Variants in PISD observed in about 807,000 individuals in gnomAD.
PISD encodes phosphatidylserine decarboxylase proenzyme, mitochondrial.
A neutral mutation model predicts 43.5 loss-of-function variants in PISD; 31 were observed. The ratio of observed to expected loss-of-function variants is 0.71; its 90% CI spans 0.54 to 0.96. The LOEUF is 0.96. Among genes scored for constraint, PISD ranks in the 40% least tolerant of loss-of-function variants. The pLI, the probability that PISD is intolerant of heterozygous loss-of-function variation, is 0.00. For missense variants in PISD, 523 were observed against 548.4 expected, an observed-to-expected ratio of 0.95 and a Z score of 0.46; for synonymous variants, 259 against 228.7, an observed-to-expected ratio of 1.13 and a Z score of -1.20.
intron 1 of PISD, among the ~76,000 whole-genome samples, chr22:31,656,432 C>T (rs1253528210): frequency 1.3e-5 from 2 of 151,902 alleles, no homozygotes; most frequent in African/African-American, 4.8e-5. Flanking sequence ...GGGCAGATCA[C>T]GAGGTCAGGA....
intron 3 of PISD, among the ~76,000 whole-genome samples, chr22:31,625,116 G>A (rs1483101116): frequency 6.6e-6 from 1 of 152,232 alleles, no homozygotes; most frequent in African/African-American, 2.4e-5. Context: ...CTCTCTCCCA[G>A]TTGCTGAGCA....
chr22:31,662,060 C>A, intron 1 of PISD, 84 bp downstream of exon 1: 1 of 1,301,844 alleles, frequency 7.7e-7, no homozygotes, highest in Non-Finnish European at 1.1e-6. Context: ...AGAGCGAGCC[C>A]GCGACACAGA....
At chr22:31,651,261 G>A (rs2074022082) in intron 1 of PISD, among the ~76,000 whole-genome samples, 1 of 152,142 alleles carries the variant, frequency 6.6e-6, no homozygotes, top group Non-Finnish European at 1.5e-5. Flanking sequence ...ACCAGGCCCA[G>A]CCTAGAAAAG....
rs558876581 is a variant in PISD at position 31,627,247 on chromosome 22, T to G, written c.322-5362A>C. ...TAAATGAGTGACGGGGACAGCTCAC[T>G]GCAGATGGGTCAGGCAGGAGGGCGC... On this transcript the variant is annotated intron_variant, in intron 3 of 7. Coordinates refer to ENST00000439502, the MANE Select transcript of PISD (RefSeq NM_001326411.2). Among the ~76,000 whole-genome samples, 678 of 152,314 alleles carry G rather than the reference T, an allele frequency of 4.5e-3. 1 individual carries two copies. Among genetic ancestry groups the G allele is most frequent in the African/African-American group, 0.014 (575 of 41,570 alleles).
At chr22:31,634,334 C>A (rs1488987768) in intron 3 of PISD, among the ~76,000 whole-genome samples, 3 of 152,238 alleles carry the variant, frequency 2.0e-5, no homozygotes, top group African/African-American at 7.2e-5. Flanking sequence ...AGAGGCCAGG[C>A]AAGCACAAAG....
intron 3 of PISD, chr22:31,625,847 A>G: frequency 6.3e-7 from 1 of 1,580,048 alleles, no homozygotes; most frequent in Middle Eastern, 1.7e-4. Flanking sequence ...GGCGAGGCTC[A>G]CTCGATCACT....
intron 1 of PISD, among the ~76,000 whole-genome samples, chr22:31,655,001 G>A (rs543055595): frequency 8.6e-5 from 13 of 151,064 alleles, no homozygotes; most frequent in African/African-American, 3.2e-4. Context: ...GCTTGAACCT[G>A]GGAGGCAGAG....
chr22:31,625,945 T>C (rs1184425399), intron 3 of PISD: 3 of 1,495,214 alleles, frequency 2.0e-6, no homozygotes, highest in African/African-American at 1.4e-5. Context: ...TCTGCGAGGC[T>C]GGTTGGTGGC....
chr22:31,632,135 A>T, intron 3 of PISD: 1 of 538,934 alleles, frequency 1.9e-6, no homozygotes, highest in Non-Finnish European at 2.4e-6. Flanking sequence ...CGCCTGGAAT[A>T]GGACATAAGG....
Position 31,620,987 on chromosome 22 carries a change from C to T in PISD, c.844+9G>A, listed in dbSNP as rs748626335. 31 of 1,607,844 alleles carry T rather than the reference C, an allele frequency of 1.9e-5. 1 individual carries two copies. The highest frequency in any genetic ancestry group is 3.3e-5 in the South Asian group (3 of 90,782). On this transcript the variant is annotated intron_variant, in intron 6 of 7. Coordinates refer to ENST00000439502, the MANE Select transcript of PISD (RefSeq NM_001326411.2). ...GAGGCAGCTCCCCCCACGCTGGCCC[C>T]GGGCTGACCTGGGAAGTGGCGCCGG...
intron 1 of PISD, among the ~76,000 whole-genome samples, chr22:31,654,386 G>A (rs2074110324): frequency 6.6e-6 from 1 of 152,104 alleles, no homozygotes; most frequent in Admixed American, 6.6e-5. Flanking sequence ...CCCCAGAGAT[G>A]CTTATCCAGT....
intron 3 of PISD, among the ~76,000 whole-genome samples, chr22:31,637,149 AAAAAAAAAAAAAAAAATATATATATAT>A (rs1407802024): frequency 1.2e-4 from 2 of 16,130 alleles, no homozygotes; most frequent in Non-Finnish European, 2.2e-4. Context: ...AAATTAAAAA[AAAAAAAAAAAAAAAAATATATATATAT>A]ATATATATAT....
At chr22:31,655,103 C>A (rs10154390) in intron 1 of PISD, among the ~76,000 whole-genome samples, 1 of 141,646 alleles carries the variant, frequency 7.1e-6, no homozygotes, top group Admixed American at 7.4e-5. Flanking sequence ...AAAAAAAAGA[C>A]GGCAGGAGAC....
At chr22:31,650,160 C>T (rs572470687) in intron 2 of PISD, among the ~76,000 whole-genome samples, 1 of 152,262 alleles carries the variant, frequency 6.6e-6, no homozygotes, top group South Asian at 2.1e-4. Flanking sequence ...CCCCTTCACA[C>T]CCATCGGAAT....
rs545741992 is a variant in PISD at position 31,634,613 on chromosome 22, A to G, written c.322-12728T>C. ...AGCACTTTGGGAGGTCAAGGTGGGC[A>G]GATCACCTGAGGTGAGAAGTTCAAC... is the stretch of plus-strand genomic sequence containing the variant. On this transcript the variant is annotated intron_variant, in intron 3 of 7. Coordinates refer to ENST00000439502, the MANE Select transcript of PISD (RefSeq NM_001326411.2). Among the ~76,000 whole-genome samples the G allele has an allele frequency of 5.9e-5, 9 of 152,234 alleles. No individual in the cohort carries two copies. In the South Asian group the frequency reaches 6.2e-4, roughly 11 times the overall value.
intron 3 of PISD, chr22:31,626,116 CCAGTCCTGG>C: frequency 8.8e-7 from 1 of 1,135,108 alleles, no homozygotes. Context: ...CCCACTGTCC[CCAGTCCTGG>C]CCACCTGCTC....
At position 31,619,604 on chromosome 22, in the gene PISD, A is replaced by C. The variant is rs370562083; in HGVS notation, c.*8T>G. The C allele has an allele frequency of 5.8e-5, 93 of 1,608,766 alleles. No individual in the cohort carries two copies. Among genetic ancestry groups the C allele is most frequent in the Non-Finnish European group, 7.0e-5 (82 of 1,175,354 alleles). The stretch of plus-strand genomic sequence containing the variant: ...GATCCCTTAGCAGCCATAATCAGGA[A>C]AGAGACTCTAGAGCGAGCCCAGGGC... On this transcript the variant is annotated 3_prime_UTR_variant, in exon 8 of 8. Coordinates refer to ENST00000439502, the MANE Select transcript of PISD (RefSeq NM_001326411.2).
At chr22:31,662,480 T>C, upstream of PISD, 1 of 517,196 alleles carries the variant, frequency 1.9e-6, no homozygotes. Flanking sequence ...CTCATGTACC[T>C]GGAAAATCTG....
chr22:31,632,370 C>G (rs1421736824), intron 3 of PISD: 3 of 257,122 alleles, frequency 1.2e-5, no homozygotes, highest in African/African-American at 2.3e-5. Context: ...GCATGTGGTA[C>G]AGGGGTGGCA....
Sources: gnomAD v4.1 joint callset for allele counts (sites outside exome capture counted in the v4.1 genomes callset) on GRCh38, gnomAD v4.1.1 for gene constraint, MANE v1.5 for transcripts, NCBI Gene and HGNC (gene_info 2026-07-23, HGNC 2026-07-21) for gene names.